KIAA0825: variants seen among roughly 807,000 people sequenced by gnomAD.
The protein encoded by KIAA0825 is uncharacterized protein KIAA0825.
In KIAA0825, 119 loss-of-function variants were observed where a neutral mutation model predicts 147.6. The observed-to-expected ratio is 0.81, with a 90% CI of 0.69 to 0.94. The LOEUF (loss-of-function observed/expected upper bound fraction) is 0.94, where lower values mean the gene tolerates loss of function less well. Ranked by LOEUF, KIAA0825 falls within the 40% of genes least tolerant of loss-of-function variation. The pLI is 0.00. For synonymous variants in KIAA0825, 470 were observed against 518.1 expected (o/e 0.91, Z 1.26); for missense variants, 1,381 against 1,472.7 (o/e 0.94, Z 1.02).
chr5:94,565,095 C>CTTTTTTTTTTTTTTTT (rs1176429699), intron 2 of KIAA0825, among the ~76,000 whole-genome samples: 2,644 of 52,766 alleles, frequency 0.05, 382 homozygotes, highest in Non-Finnish European at 0.063. Context: ...TCTTGCTTTC[C>CTTTTTTTTTTTTTTTT]TTTTTTTTTT....
intron 20 of KIAA0825, among the ~76,000 whole-genome samples, chr5:94,341,605 A>C (rs1417981376): frequency 6.6e-6 from 1 of 152,230 alleles, no homozygotes; most frequent in African/African-American, 2.4e-5. Flanking sequence ...AAGATGTGTT[A>C]GCATTTTCAT....
chr5:94,488,595 T>C (rs893667252), intron 5 of KIAA0825, among the ~76,000 whole-genome samples: 1 of 152,142 alleles, frequency 6.6e-6, no homozygotes, highest in African/African-American at 2.4e-5. Context: ...TAATATGCAA[T>C]ATAAAATATT....
At chr5:94,564,537 AGTGTGT>A (rs56256662) in intron 2 of KIAA0825, among the ~76,000 whole-genome samples, 1,191 of 32,896 alleles carry the variant, frequency 0.036, 190 homozygotes, top group Admixed American at 0.18. Flanking sequence ...CTTATTTTTG[AGTGTGT>A]GTGTGTGTGT....
intron 20 of KIAA0825, among the ~76,000 whole-genome samples, chr5:94,276,593 A>G (rs1194641337): frequency 5.3e-5 from 8 of 152,164 alleles, no homozygotes; most frequent in Non-Finnish European, 1.2e-4. Flanking sequence ...TTAATTGGTG[A>G]GACCGTTGTC....
chr5:94,213,214 A>T (rs1031244484), intron 20 of KIAA0825, among the ~76,000 whole-genome samples: 2 of 152,112 alleles, frequency 1.3e-5, no homozygotes, highest in Admixed American at 6.6e-5. Context: ...GACAGCATTC[A>T]TCTAGTGGCC....
intron 5 of KIAA0825, among the ~76,000 whole-genome samples, chr5:94,494,203 C>A (rs1204607175): frequency 6.6e-6 from 1 of 152,128 alleles, no homozygotes; most frequent in Non-Finnish European, 1.5e-5. Context: ...TTCTCCCACA[C>A]TCCATTCCCT....
intron 20 of KIAA0825, among the ~76,000 whole-genome samples, chr5:94,252,999 G>T (rs1012434342): frequency 5.3e-5 from 8 of 151,960 alleles, no homozygotes; most frequent in Non-Finnish European, 8.8e-5. Context: ...AAAATCAATT[G>T]TTTCCTACCA....
chr5:94,447,922 T>C (rs2150884484), intron 13 of KIAA0825, among the ~76,000 whole-genome samples: 1 of 152,202 alleles, frequency 6.6e-6, no homozygotes, highest in Middle Eastern at 3.4e-3. Flanking sequence ...GACTGTTTAC[T>C]CACACTGATT....
intron 5 of KIAA0825, among the ~76,000 whole-genome samples, chr5:94,486,550 T>C (rs535966401): frequency 9.6e-4 from 146 of 152,214 alleles, no homozygotes; most frequent in African/African-American, 3.3e-3. Context: ...AAAAAGGTTT[T>C]AAAAAATCTG....
At chr5:94,264,973 G>A (rs576114395) in intron 20 of KIAA0825, among the ~76,000 whole-genome samples, 1 of 151,884 alleles carries the variant, frequency 6.6e-6, no homozygotes, top group South Asian at 2.1e-4. Flanking sequence ...AGTAGAGATG[G>A]GGTTTTTCCA....
intron 20 of KIAA0825, among the ~76,000 whole-genome samples, chr5:94,186,106 A>G (rs552527262): frequency 1.3e-5 from 2 of 152,234 alleles, no homozygotes; most frequent in Non-Finnish European, 1.5e-5. Context: ...AACCAAACAC[A>G]TTAATATATC....
intron 1 of KIAA0825, among the ~76,000 whole-genome samples, chr5:94,604,531 C>T (rs1437817334): frequency 1.3e-5 from 2 of 152,072 alleles, no homozygotes; most frequent in Admixed American, 6.6e-5. Context: ...TGCACTCCAG[C>T]CTGGGCGACA....
At chr5:94,316,551 T>C (rs1779679793) in intron 20 of KIAA0825, among the ~76,000 whole-genome samples, 1 of 151,734 alleles carries the variant, frequency 6.6e-6, no homozygotes, top group South Asian at 2.1e-4. Context: ...TTCACATTGA[T>C]GGCTGTGGCC....
intron 20 of KIAA0825, among the ~76,000 whole-genome samples, chr5:94,190,733 T>C (rs1323426526): frequency 6.6e-6 from 1 of 152,020 alleles, no homozygotes; most frequent in Non-Finnish European, 1.5e-5. Flanking sequence ...TCCTATACTA[T>C]TTTGATATGG....
At chr5:94,494,175 T>A (rs1454968793) in intron 5 of KIAA0825, among the ~76,000 whole-genome samples, 1 of 152,162 alleles carries the variant, frequency 6.6e-6, no homozygotes, top group African/African-American at 2.4e-5. Context: ...CTAAACTTAC[T>A]GCTCAATGAT....
chr5:94,506,790 T>C (rs1000867554), intron 5 of KIAA0825, among the ~76,000 whole-genome samples: 7 of 152,234 alleles, frequency 4.6e-5, no homozygotes, highest in South Asian at 2.1e-4. Flanking sequence ...TATCTTTGGA[T>C]AGAATATACT....
At chr5:94,396,565 A>C (rs1164783555) in intron 16 of KIAA0825, 56 bp from the exon 17 acceptor site, 1 of 1,388,334 alleles carries the variant, frequency 7.2e-7, no homozygotes, top group East Asian at 2.5e-5. Flanking sequence ...CAATCACTGC[A>C]TGGTTTTGTG....
At chr5:94,226,765 A>C (rs1240194067) in intron 20 of KIAA0825, among the ~76,000 whole-genome samples, 1 of 152,074 alleles carries the variant, frequency 6.6e-6, no homozygotes, top group Non-Finnish European at 1.5e-5. Context: ...TCAAAAGAAG[A>C]CATTTATGCA....
At chr5:94,440,794 T>C (rs1756982001) in intron 13 of KIAA0825, among the ~76,000 whole-genome samples, 1 of 152,040 alleles carries the variant, frequency 6.6e-6, no homozygotes. Context: ...ACCACTTTCA[T>C]TTACCAATGA....
Sources: allele counts gnomAD v4.1 joint callset (sites outside exome capture counted in the v4.1 genomes callset), GRCh38; gene constraint gnomAD v4.1.1; transcripts MANE v1.5; gene names NCBI Gene and HGNC (gene_info 2026-07-23, HGNC 2026-07-21).